The following GORAB variants were observed in gnomAD, a reference collection of about 807,000 sequenced individuals.
GORAB encodes the protein golgin, RAB6 interacting, also known as RAB6-interacting golgin.
In GORAB, 17 loss-of-function variants were observed where a neutral mutation model predicts 29.9. The observed-to-expected ratio is 0.57, with a 90% CI of 0.39 to 0.85. The LOEUF (loss-of-function observed/expected upper bound fraction) is 0.85, where lower values mean the gene tolerates loss of function less well. Ranked by LOEUF, GORAB falls within the 40% of genes least tolerant of loss-of-function variation. GORAB has a pLI of 0.00. For missense variants in GORAB, 442 were observed against 437.8 expected (o/e 1.01, Z -0.09); for synonymous variants, 183 against 157.2 (o/e 1.16, Z -1.23).
In GORAB at chr1:170,532,223, G is replaced by C. The variant is rs767902845; in HGVS notation, c.-1G>C. 5 of 1,613,962 alleles carry C rather than the reference G, an allele frequency of 3.1e-6. No homozygotes were observed. The highest frequency in any genetic ancestry group is 1.1e-5 in the South Asian group (1 of 91,080). ...TTTGGGGGTGCCGGTGGCCCGGGCC[G>C]ATGGCGCAAGGTTGGGCAGGATTCT... On this transcript the variant is annotated 5_prime_UTR_variant, in exon 1 of 5. Transcript: ENST00000367763.
In GORAB at chr1:170,552,777, G is replaced by C. The variant is rs1650208777; in HGVS notation, c.*315G>C. ...AGTGTTTTTAGATCAGATAAATATA[G>C]AAAAGTAAAATGGAAAATGATACTC... On this transcript the variant is annotated 3_prime_UTR_variant, in exon 5 of 5. Transcript: ENST00000367763. 2.1e-6 allele frequency: 1 copy of C among 468,010 alleles called. No individual in the cohort carries two copies. Among genetic ancestry groups the C allele is most frequent in the Non-Finnish European group, 4.2e-6 (1 of 236,492 alleles). The allele number at this position is 468,010 out of a possible 1,614,324, so 29.0% of individuals were successfully genotyped here.
At chr1:170,537,417 C>A (rs926903346) in intron 1 of GORAB, among the ~76,000 whole-genome samples, 11 of 152,064 alleles carry the variant, frequency 7.2e-5, no homozygotes, top group African/African-American at 2.4e-4. Flanking sequence ...CAGCCTAGAG[C>A]CTTGAGAGAC....
At chr1:170,551,707 C>T (rs1291268698) in intron 4 of GORAB, among the ~76,000 whole-genome samples, 15 of 152,164 alleles carry the variant, frequency 9.9e-5, no homozygotes, top group Admixed American at 9.8e-4. Context: ...TCCTCCCACC[C>T]CAGAACTAGC....
chr1:170,545,243 T>G, intron 4 of GORAB: 1 of 995,064 alleles, frequency 1.0e-6, no homozygotes, highest in African/African-American at 1.7e-5. Context: ...TTTTGATATC[T>G]GATATAGTCC....
intron 3 of GORAB, among the ~76,000 whole-genome samples, chr1:170,542,928 T>C (rs1254173087): frequency 6.6e-6 from 1 of 152,178 alleles, no homozygotes; most frequent in African/African-American, 2.4e-5. Flanking sequence ...AATGCAAGTT[T>C]TAATTTTTAT....
intron 1 of GORAB, 69 bp downstream of exon 1, chr1:170,532,353 G>A: frequency 2.0e-6 from 3 of 1,537,634 alleles, no homozygotes; most frequent in Middle Eastern, 1.7e-4. Flanking sequence ...TGCAGCTTTG[G>A]CGGGGAAAGG....
At chr1:170,532,329 G>T in intron 1 of GORAB, 45 bp downstream of exon 1, 3 of 1,598,738 alleles carry the variant, frequency 1.9e-6, no homozygotes, top group Non-Finnish European at 2.6e-6. Flanking sequence ...GGTCTTAAGG[G>T]GAAGAGGCGG....
Position 170,539,381 on chromosome 1 carries a change from C to G in GORAB, c.233C>G (p.Pro78Arg). The G allele has an allele frequency of 1.2e-6, 2 of 1,614,090 alleles. No individual in the cohort carries two copies. Among genetic ancestry groups the G allele is most frequent in the African/African-American group, 1.3e-5 (1 of 75,014 alleles). ...AAACAGAGAGTTAACGTTCAAAAAC[C>G]ACCTTTTTCTTCCCCTACTCTTCCG... ...APKQRVNVQK[P>R]PFSSPTLPSH... is the part of the protein sequence containing the mutation. The change falls in exon 2 of 5, where the codon CCA (proline) becomes CGA (arginine). Residue 78 changes from proline to arginine, a missense_variant. By Grantham distance (103) the Pro-to-Arg change is moderately radical. Transcript: ENST00000367763.
At chr1:170,533,760 T>A in intron 1 of GORAB, 1 of 318,968 alleles carries the variant, frequency 3.1e-6, no homozygotes, top group Non-Finnish European at 6.6e-6. Context: ...GGTGAGGACC[T>A]GAACTTCAAG....
rs1313658864 is a variant in GORAB, at chr1:170,553,690, T to C, written c.*1228T>C. 2.9e-5 allele frequency: 13 copies of C among 449,962 alleles called. No homozygotes were observed. Among genetic ancestry groups the C allele is most frequent in the Non-Finnish European group, 2.7e-5 (6 of 225,854 alleles). 27.9% of individuals were successfully genotyped at this position (449,962 alleles called of 1,614,324 possible). Reference sequence around the variant, plus strand: ...ATATTTTTATATTATGTAATTTGAGTTGAAAGTATAACATTTTACTACTGA... The same window carrying C: ...ATATTTTTATATTATGTAATTTGAGCTGAAAGTATAACATTTTACTACTGA... On this transcript the variant is annotated 3_prime_UTR_variant, in exon 5 of 5. Coordinates refer to ENST00000367763, the MANE Select transcript of GORAB (RefSeq NM_152281.3).
rs1449481527 is a variant in GORAB, at chr1:170,539,312, A to T, written c.164A>T (p.Asp55Val). ...VEQSQKLGLQ[D>V]GSTSLLPEQL... ...CAAAGCCAAAAACTTGGGCTTCAAGATGGATCAACCTCATTACTTCCAGAG... is the reference window on the plus strand; with the variant it reads ...CAAAGCCAAAAACTTGGGCTTCAAGTTGGATCAACCTCATTACTTCCAGAG... The change falls in exon 2 of 5, where the codon GAT (aspartate) becomes GTT (valine). Residue 55 changes from aspartate (D) to valine (V), a missense_variant. Physicochemically the swap from Asp to Val is radical, Grantham distance 152. Coordinates refer to ENST00000367763, the MANE Select transcript of GORAB (RefSeq NM_152281.3). The T allele has an allele frequency of 1.2e-6, 2 of 1,614,092 alleles. No homozygotes were observed.
At chr1:170,538,678 G>C (rs1473184757) in intron 1 of GORAB, among the ~76,000 whole-genome samples, 1 of 152,152 alleles carries the variant, frequency 6.6e-6, no homozygotes, top group Non-Finnish European at 1.5e-5. Flanking sequence ...AGCATTCCTA[G>C]AAATAAGAGA....
intron 4 of GORAB, among the ~76,000 whole-genome samples, chr1:170,548,037 A>G (rs917498546): frequency 5.9e-5 from 9 of 152,264 alleles, no homozygotes; most frequent in Non-Finnish European, 1.0e-4. Context: ...GTTTCCTAAG[A>G]CTACCATAAG....
rs149866830 is a variant in GORAB, at chr1:170,539,399, C to G, written c.251C>G (p.Thr84Ser). The change falls in exon 2 of 5, where the codon ACT (threonine) becomes AGT (serine). Residue 84 changes from threonine (T) to serine (S), a missense_variant. Physicochemically the swap from Thr to Ser is moderately conservative, Grantham distance 58 (BLOSUM62 1). Transcript: ENST00000367763. ...NVQKPPFSSP[T>S]LPSHFTLTSP... ...CAAAAACCACCTTTTTCTTCCCCTA[C>G]TCTTCCGAGTCATTTCACTCTCACC... The G allele has an allele frequency of 8.1e-6, 13 of 1,614,050 alleles. No individual in the cohort carries two copies. In the African/African-American group the frequency reaches 1.5e-4, roughly 18 times the overall value.
chr1:170,539,168 C>T (rs753804167), intron 1 of GORAB, 42 bp from the exon 2 acceptor site: 5 of 1,609,408 alleles, frequency 3.1e-6, no homozygotes, highest in Non-Finnish European at 3.4e-6. Flanking sequence ...TAATTATTTG[C>T]TGCCCACACA....
intron 1 of GORAB, among the ~76,000 whole-genome samples, chr1:170,535,060 G>T (rs1323501027): frequency 6.6e-6 from 1 of 152,102 alleles, no homozygotes; most frequent in African/African-American, 2.4e-5. Context: ...TCCGTTTTTT[G>T]GTGCTGTCTT....
chr1:170,538,343 T>C (rs1330725805), intron 1 of GORAB, among the ~76,000 whole-genome samples: 2 of 152,226 alleles, frequency 1.3e-5, no homozygotes, highest in African/African-American at 2.4e-5. Flanking sequence ...GTTGTTCATT[T>C]ACAAGAACTG....
At chr1:170,549,244 C>G (rs1649971842) in intron 4 of GORAB, among the ~76,000 whole-genome samples, 1 of 152,090 alleles carries the variant, frequency 6.6e-6, no homozygotes, top group Non-Finnish European at 1.5e-5. Flanking sequence ...TTATTTTGTT[C>G]CAGAATGTCA....
rs531940409 is a variant in GORAB, at chr1:170,547,843, G to A, written c.662+2998G>A. On this transcript the variant is annotated intron_variant, in intron 4 of 4. Transcript: ENST00000367763. ...ATATTGGGTGTATGTTCTCCCTGCT[G>A]AAATGATTAACTCTATGATAAAATC... is the stretch of plus-strand genomic sequence containing the variant. Among the ~76,000 whole-genome samples the A allele has an allele frequency of 2.0e-5, 3 of 152,312 alleles. No homozygotes were observed. The South Asian group carries it at 6.2e-4, about 32-fold the overall frequency.
Sources: gnomAD v4.1 joint callset for allele counts (sites outside exome capture counted in the v4.1 genomes callset) on GRCh38, gnomAD v4.1.1 for gene constraint, MANE v1.5 for transcripts, NCBI Gene and HGNC (gene_info 2026-07-23, HGNC 2026-07-21) for gene names.